The following ST3GAL3 variants were observed in gnomAD, a reference collection of about 807,000 sequenced individuals.
ST3GAL3 encodes the protein ST3 beta-galactoside alpha-2,3-sialyltransferase 3, also known as CMP-N-acetylneuraminate-beta-1,4-galactoside alpha-2,3-sialyltransferase.
Under a neutral mutation model 50.1 loss-of-function variants are expected in ST3GAL3, and 21 were observed. That is an observed-to-expected ratio of 0.42 (90% CI 0.30 to 0.60). ST3GAL3 has a LOEUF of 0.60. Ranked by LOEUF, ST3GAL3 falls within the 20% of genes least tolerant of loss-of-function variation. The pLI, the probability that ST3GAL3 is intolerant of heterozygous loss-of-function variation, is 0.19. For synonymous variants in ST3GAL3, 183 were observed against 190.0 expected, an observed-to-expected ratio of 0.96 and a Z score of 0.30; for missense variants, 353 against 489.4, an observed-to-expected ratio of 0.72 and a Z score of 2.63.
intron 4 of ST3GAL3, among the ~76,000 whole-genome samples, chr1:43,820,067 T>C (rs1242678350): frequency 2.6e-5 from 4 of 152,002 alleles, no homozygotes; most frequent in African/African-American, 9.7e-5. Flanking sequence ...AACTCTACTA[T>C]AAGGATATAG....
At chr1:43,884,107 G>A (rs902602149) in intron 5 of ST3GAL3, among the ~76,000 whole-genome samples, 8 of 152,216 alleles carry the variant, frequency 5.3e-5, no homozygotes, top group African/African-American at 1.4e-4. Flanking sequence ...TTCTGAGCTC[G>A]TACTCAGCAC....
At chr1:43,891,178 C>T (rs1022668052) in intron 5 of ST3GAL3, among the ~76,000 whole-genome samples, 8 of 152,166 alleles carry the variant, frequency 5.3e-5, no homozygotes, top group Admixed American at 4.6e-4. Flanking sequence ...TACAAGAAAG[C>T]CAGGACATTA....
intron 2 of ST3GAL3, among the ~76,000 whole-genome samples, chr1:43,759,273 A>G (rs943943814): frequency 1.3e-5 from 2 of 151,108 alleles, no homozygotes; most frequent in Non-Finnish European, 3.0e-5. Flanking sequence ...GTGAAACTCC[A>G]CCTCTACTAA....
chr1:43,865,042 A>C (rs1570114987), intron 5 of ST3GAL3, among the ~76,000 whole-genome samples: 1 of 146,998 alleles, frequency 6.8e-6, no homozygotes, highest in Non-Finnish European at 1.5e-5. Context: ...TTTGAGACAG[A>C]GTCTTGCTCT....
At chr1:43,862,430 A>T (rs1031988074) in intron 5 of ST3GAL3, among the ~76,000 whole-genome samples, 1 of 152,200 alleles carries the variant, frequency 6.6e-6, no homozygotes, top group Non-Finnish European at 1.5e-5. Flanking sequence ...TAAACTGGGG[A>T]CAGCTCCCAT....
intron 3 of ST3GAL3, among the ~76,000 whole-genome samples, chr1:43,812,092 G>A (rs1056306092): frequency 1.3e-5 from 2 of 152,144 alleles, no homozygotes. Flanking sequence ...AAATAATCCC[G>A]ATAACAGTCA....
intron 4 of ST3GAL3, among the ~76,000 whole-genome samples, chr1:43,827,064 C>T (rs1053159282): frequency 6.6e-5 from 10 of 152,170 alleles, no homozygotes; most frequent in African/African-American, 2.4e-4. Flanking sequence ...TCCTGTTCAA[C>T]ATTATACTAA....
intron 4 of ST3GAL3, among the ~76,000 whole-genome samples, chr1:43,833,441 G>A (rs551931708): frequency 1.2e-4 from 18 of 152,178 alleles, no homozygotes; most frequent in African/African-American, 4.3e-4. Flanking sequence ...TTAATCCCAG[G>A]CCAGTTAGTT....
intron 3 of ST3GAL3, chr1:43,801,479 T>C (rs2059310589): frequency 2.4e-6 from 1 of 424,834 alleles, no homozygotes; most frequent in Non-Finnish European, 4.8e-6. Context: ...CAAGAAGCTC[T>C]CTCTTTTGTC....
At chr1:43,883,367 G>A (rs1008888266) in intron 5 of ST3GAL3, among the ~76,000 whole-genome samples, 5 of 152,168 alleles carry the variant, frequency 3.3e-5, no homozygotes, top group African/African-American at 1.2e-4. Flanking sequence ...GCCGAACCAG[G>A]AGCATATGGA....
chr1:43,898,427 C>T, intron 7 of ST3GAL3, 129 bp downstream of exon 7: 1 of 942,334 alleles, frequency 1.1e-6, no homozygotes, highest in Non-Finnish European at 1.7e-6. Context: ...ATACAGTACA[C>T]ACACAGGGTG....
chr1:43,927,018 A>G (rs188667916), intron 11 of ST3GAL3, among the ~76,000 whole-genome samples: 4 of 152,142 alleles, frequency 2.6e-5, no homozygotes, highest in Non-Finnish European at 5.9e-5. Flanking sequence ...CAGATACCAT[A>G]TATCCCTCCA....
chr1:43,887,604 C>A (rs2076161030), intron 5 of ST3GAL3, among the ~76,000 whole-genome samples: 1 of 152,180 alleles, frequency 6.6e-6, no homozygotes, highest in Non-Finnish European at 1.5e-5. Context: ...TCAAGTAAGT[C>A]ATCTTCGAGG....
chr1:43,776,520 T>C (rs1358690098), intron 2 of ST3GAL3, among the ~76,000 whole-genome samples: 16 of 152,170 alleles, frequency 1.1e-4, no homozygotes. Flanking sequence ...AAACTCTTAT[T>C]ATCAATAATA....
intron 2 of ST3GAL3, among the ~76,000 whole-genome samples, chr1:43,784,418 A>G (rs1055719699): frequency 6.6e-6 from 1 of 152,174 alleles, no homozygotes; most frequent in East Asian, 1.9e-4. Flanking sequence ...CTAAGGCAGG[A>G]GAATCGCTTG....
At chr1:43,845,699 ATTAT>A (rs1296990371) in intron 5 of ST3GAL3, among the ~76,000 whole-genome samples, 2 of 150,824 alleles carry the variant, frequency 1.3e-5, no homozygotes, top group Non-Finnish European at 1.5e-5. Context: ...ACTTTAATTT[ATTAT>A]TTGTTTTTTT....
intron 2 of ST3GAL3, among the ~76,000 whole-genome samples, chr1:43,759,065 G>A (rs12127702): frequency 0.043 from 3,259 of 75,386 alleles, 130 homozygotes; most frequent in African/African-American, 0.12. Context: ...AAAAGCGCGC[G>A]CACACACACA....
At chr1:43,799,721 A>T (rs1280124032) in intron 3 of ST3GAL3, 1 of 152,202 alleles carries the variant, frequency 6.6e-6, no homozygotes, top group Non-Finnish European at 1.5e-5. Flanking sequence ...GTGAGTATTT[A>T]TGCCCTATCT....
chr1:43,768,536 G>A (rs1046692886), intron 2 of ST3GAL3, among the ~76,000 whole-genome samples: 9 of 152,196 alleles, frequency 5.9e-5, no homozygotes. Flanking sequence ...AAGCACAAGT[G>A]CCAGTGAACA....
Sources: gnomAD v4.1 joint callset for allele counts (sites outside exome capture counted in the v4.1 genomes callset) on GRCh38, gnomAD v4.1.1 for gene constraint, MANE v1.5 for transcripts, NCBI Gene and HGNC (gene_info 2026-07-23, HGNC 2026-07-21) for gene names.